SH3BP2: variants seen among roughly 807,000 people sequenced by gnomAD.
SH3BP2 encodes the protein SH3 domain binding protein 2.
A neutral mutation model predicts 56.2 loss-of-function variants in SH3BP2; 38 were observed. That is an observed-to-expected ratio of 0.68 (90% confidence interval 0.52 to 0.89). The LOEUF (loss-of-function observed/expected upper bound fraction) is 0.89. Among genes scored for constraint, SH3BP2 ranks in the 40% least tolerant of loss-of-function variants. The probability of loss-of-function intolerance (pLI) is 0.00; values close to 1 mark genes in which losing one functional copy is unlikely to be tolerated. For missense variants in SH3BP2, 748 were observed against 762.6 expected (o/e 0.98, Z 0.23); for synonymous variants, 346 against 316.7 (o/e 1.09, Z -0.98).
rs1012627247 is a variant in SH3BP2 at position 2,838,722 on chromosome 4, A to G, written c.*4888A>G. 1 of 151,524 alleles carries G rather than the reference A, an allele frequency of 6.6e-6. No homozygotes were observed. Among genetic ancestry groups the G allele is most frequent in the East Asian group, 1.9e-4 (1 of 5,194 alleles). The allele number at this position is 151,524 out of a possible 1,614,324, so 9.4% of individuals were successfully genotyped here. A position where few individuals can be genotyped will look rare whatever the true frequency, so the allele number is the denominator to read the frequency against. Reference sequence around the variant, plus strand: ...CGAGACAGTTCTTCCGGTATGGTCCATGGAAGCCAAAAGATTGGACATGCC... The same window carrying G: ...CGAGACAGTTCTTCCGGTATGGTCCGTGGAAGCCAAAAGATTGGACATGCC... On this transcript the variant is annotated 3_prime_UTR_variant, in exon 13 of 13. Transcript: ENST00000503393.
intron 1 of SH3BP2, among the ~76,000 whole-genome samples, chr4:2,811,149 G>A (rs1723731840): frequency 1.3e-5 from 2 of 152,250 alleles, no homozygotes. Context: ...GGCTGGGGCT[G>A]CAGACACAGC....
At chr4:2,799,569 C>T (rs1723175425) in intron 1 of SH3BP2, among the ~76,000 whole-genome samples, 1 of 152,208 alleles carries the variant, frequency 6.6e-6, no homozygotes, top group Admixed American at 6.5e-5. Flanking sequence ...CCCACCTCTG[C>T]AGAGGATCTA....
At position 2,838,466 on chromosome 4, in the gene SH3BP2, A is replaced by G. The variant is rs1382613395; in HGVS notation, c.*4632A>G. 6.6e-6 allele frequency: 1 copy of G among 152,210 alleles called. No individual in the cohort carries two copies. Among genetic ancestry groups the G allele is most frequent in the Non-Finnish European group, 1.5e-5 (1 of 68,048 alleles). 9.4% of individuals were successfully genotyped at this position (152,210 alleles called of 1,614,324 possible). A position where few individuals can be genotyped will look rare whatever the true frequency, so the allele number is the denominator to read the frequency against. On this transcript the variant is annotated 3_prime_UTR_variant, in exon 13 of 13. Transcript: ENST00000503393. ...ATTTATTCATGTTGCTGTGCGTAGT[A>G]TAGTTTGTGCATGTTCATTGCTAAA...
At chr4:2,820,802 G>A (rs746457710) in intron 2 of SH3BP2, 49 bp downstream of exon 2, 7 of 1,562,568 alleles carry the variant, frequency 4.5e-6, no homozygotes, top group Non-Finnish European at 5.2e-6. Context: ...ATGGGGGCAG[G>A]GCTAGCCATG....
In SH3BP2 at chr4:2,822,301, G is replaced by C. The variant is rs569669589; in HGVS notation, c.137-634G>C. ...CTCCCAAGTAGCTGGAACTACAGATGTATGCCACCGTGTCCGGCTAAGTTT... is the reference window on the plus strand; with the variant it reads ...CTCCCAAGTAGCTGGAACTACAGATCTATGCCACCGTGTCCGGCTAAGTTT... On this transcript the variant is annotated intron_variant, in intron 2 of 12. Coordinates refer to ENST00000503393, the MANE Select transcript of SH3BP2 (RefSeq NM_001122681.2). Among the ~76,000 whole-genome samples the C allele has an allele frequency of 2.0e-5, 3 of 152,330 alleles. No homozygotes were observed. In the East Asian group the frequency reaches 5.8e-4, roughly 29 times the overall value.
rs2108746821 is a variant in SH3BP2, at chr4:2,837,848, G to A, written c.*4014G>A. ...TGCCTGTCCTTGGGGAAGAGGGGCAGTGACCCTGTGAAGATGCTTGACAGA... is the reference window on the plus strand; with the variant it reads ...TGCCTGTCCTTGGGGAAGAGGGGCAATGACCCTGTGAAGATGCTTGACAGA... On this transcript the variant is annotated 3_prime_UTR_variant, in exon 13 of 13. Transcript: ENST00000503393. The A allele has an allele frequency of 6.6e-6, 1 of 152,518 alleles. No individual in the cohort carries two copies. Among genetic ancestry groups the A allele is most frequent in the Non-Finnish European group, 1.5e-5 (1 of 68,170 alleles). 9.4% of individuals were successfully genotyped at this position (152,518 alleles called of 1,614,324 possible).
intron 1 of SH3BP2, among the ~76,000 whole-genome samples, chr4:2,798,365 A>G (rs1723127399): frequency 6.6e-6 from 1 of 152,212 alleles, no homozygotes. Context: ...TCCAAGCAAA[A>G]GGCCGGATTT....
At chr4:2,818,057 C>A (rs1724080386) in intron 1 of SH3BP2, 1 of 239,874 alleles carries the variant, frequency 4.2e-6, no homozygotes, top group Non-Finnish European at 6.7e-6. Flanking sequence ...CACCAACCTC[C>A]TTGCAGCGTG....
At chr4:2,830,205 C>G in intron 8 of SH3BP2, 58 bp downstream of exon 8, 1 of 1,486,530 alleles carries the variant, frequency 6.7e-7, no homozygotes, top group Non-Finnish European at 9.1e-7. Context: ...CTGGCCTGGC[C>G]TCTGACGGGC....
At chr4:2,796,847 G>C (rs1311740762) in intron 1 of SH3BP2, among the ~76,000 whole-genome samples, 2 of 152,354 alleles carry the variant, frequency 1.3e-5, no homozygotes, top group Admixed American at 6.5e-5. Context: ...ATGGCACACG[G>C]GGCTGAGGCC....
chr4:2,809,785 C>T (rs1163567036), intron 1 of SH3BP2: 20 of 985,662 alleles, frequency 2.0e-5, no homozygotes, highest in Non-Finnish European at 2.4e-5. Context: ...TCAGGCTGAC[C>T]CTTGGCCCTC....
intron 7 of SH3BP2, among the ~76,000 whole-genome samples, chr4:2,828,949 G>A (rs1724825992): frequency 6.6e-6 from 1 of 152,218 alleles, no homozygotes; most frequent in Admixed American, 6.5e-5. Flanking sequence ...CTCCTCTCCC[G>A]AATTCCCTGG....
chr4:2,806,807 C>G (rs927347769), intron 1 of SH3BP2, among the ~76,000 whole-genome samples: 1 of 152,230 alleles, frequency 6.6e-6, no homozygotes, highest in Non-Finnish European at 1.5e-5. Context: ...GACAGAGACA[C>G]CAGGCCTGAG....
intron 11 of SH3BP2, 136 bp downstream of exon 11, chr4:2,832,548 CCCAGCAGCACCCCCCAATCTATT>C: frequency 1.3e-6 from 1 of 744,338 alleles, no homozygotes; most frequent in Non-Finnish European, 2.4e-6. Context: ...GAATTCTCTT[CCCAGCAGCACCCCCCAATCTATT>C]CCCTAATAGA....
chr4:2,826,724 C>G (rs971380731), intron 5 of SH3BP2: 1 of 352,118 alleles, frequency 2.8e-6, no homozygotes, highest in Non-Finnish European at 5.6e-6. Flanking sequence ...GCATGTTGCT[C>G]TGTGTGTGTG....
intron 1 of SH3BP2, among the ~76,000 whole-genome samples, chr4:2,804,421 G>A (rs1241797075): frequency 2.0e-5 from 3 of 152,186 alleles, no homozygotes; most frequent in Non-Finnish European, 4.4e-5. Context: ...ACCCAAAAGG[G>A]GGCTGTGGCC....
rs779088131 is a variant in SH3BP2, at chr4:2,832,339, A to G, written c.1415A>G (p.Lys472Arg). The G allele has an allele frequency of 1.2e-6, 2 of 1,613,936 alleles. No individual in the cohort carries two copies. The highest frequency in any genetic ancestry group is 1.7e-5 in the Admixed American group (1 of 60,034). Residue 472 changes from lysine (K) to arginine (R), a missense_variant, in exon 11 of 13, where the codon AAG becomes AGG. By Grantham distance (26) the Lys-to-Arg change is conservative. Coordinates refer to ENST00000503393, the MANE Select transcript of SH3BP2 (RefSeq NM_001122681.2). ...TESCEVERLF[K>R]ATSPRGEPQD... The stretch of plus-strand genomic sequence containing the variant: ...TGACTGTCTTATTTTAGGTTGTTCA[A>G]GGCTACAAGCCCCCGGGGAGAGCCC...
Position 2,832,388 on chromosome 4 carries a change from G to A in SH3BP2, c.1464G>A (p.Arg488=), listed in dbSNP as rs144848283. Residue 488 remains arginine, a synonymous_variant, in exon 11 of 13, where the codon CGG becomes CGA. Coordinates refer to ENST00000503393, the MANE Select transcript of SH3BP2 (RefSeq NM_001122681.2). ...GEPQDGLYCI[R]NSSTKSGKVL... The stretch of plus-strand genomic sequence containing the variant: ...CCCAGGATGGACTCTACTGCATCCG[G>A]AACTCCTCTACCAAGTCGGGGAAGG... The A allele has an allele frequency of 1.2e-6, 2 of 1,614,104 alleles. No individual in the cohort carries two copies. The highest frequency in any genetic ancestry group is 8.5e-7 in the Non-Finnish European group (1 of 1,179,988).
chr4:2,835,357 A>G lies in SH3BP2; in HGVS notation c.*1523A>G, dbSNP rs1037388071. 2 of 152,398 alleles carry G rather than the reference A, an allele frequency of 1.3e-5. No individual in the cohort carries two copies. Among genetic ancestry groups the G allele is most frequent in the African/African-American group, 4.8e-5 (2 of 41,552 alleles). 9.4% of individuals were successfully genotyped at this position (152,398 alleles called of 1,614,324 possible). On this transcript the variant is annotated 3_prime_UTR_variant, in exon 13 of 13. Coordinates refer to ENST00000503393, the MANE Select transcript of SH3BP2 (RefSeq NM_001122681.2). ...TGCGGTGGAACTGCAGGCCCTGCAGATGACGGCAGCCAGCTGCTTCCAGGA... is the reference window on the plus strand; with the variant it reads ...TGCGGTGGAACTGCAGGCCCTGCAGGTGACGGCAGCCAGCTGCTTCCAGGA...
Sources: allele counts gnomAD v4.1 joint callset (sites outside exome capture counted in the v4.1 genomes callset), GRCh38; gene constraint gnomAD v4.1.1; transcripts MANE v1.5; gene names NCBI Gene and HGNC (gene_info 2026-07-23, HGNC 2026-07-21).